The following FGF14 variants were observed in gnomAD, a reference collection of about 807,000 sequenced individuals.
FGF14 encodes the protein fibroblast growth factor homologous factor 4.
Under a neutral mutation model 25.5 loss-of-function variants are expected in FGF14, and 5 were observed. That is an observed-to-expected ratio of 0.20 (90% CI 0.10 to 0.41). The LOEUF is 0.41. Ranked by LOEUF, FGF14 falls within the 10% of genes least tolerant of loss-of-function variation. The probability of loss-of-function intolerance (pLI) is 1.00; values close to 1 mark genes in which losing one functional copy is unlikely to be tolerated. For synonymous variants in FGF14, 138 were observed against 118.3 expected, an observed-to-expected ratio of 1.17 and a Z score of -1.08; for missense variants, 222 against 320.1, an observed-to-expected ratio of 0.69 and a Z score of 2.34.
intron 1 of FGF14, chr13:102,299,909 G>A (rs1336659): frequency 0.58 from 88,082 of 151,890 alleles, 26,160 homozygotes; most frequent in African/African-American, 0.72. Flanking sequence ...TATGTAAACT[G>A]AACACAAAAA....
intron 3 of FGF14, 183 bp downstream of exon 3, chr13:101,868,542 A>T: frequency 1.6e-6 from 1 of 617,834 alleles, no homozygotes; most frequent in South Asian, 1.7e-5. Context: ...CACTTCCTTT[A>T]GATAAACTCA....
intron 1 of FGF14, among the ~76,000 whole-genome samples, chr13:102,399,924 G>A (rs1337826151): frequency 1.3e-5 from 2 of 152,152 alleles, no homozygotes; most frequent in African/African-American, 2.4e-5. Flanking sequence ...CCAGCTGGGG[G>A]CAATCTTCTC....
Position 101,725,607 on chromosome 13 carries a change from A to AATATAGAGAATATGCATT in FGF14, c.607+987_607+1004dup, listed in dbSNP as rs2035367940. 2.0e-5 allele frequency among the ~76,000 whole-genome samples: 3 copies of AATATAGAGAATATGCATT among 152,202 alleles called. No individual in the cohort carries two copies. The South Asian group carries it at 6.2e-4, about 32-fold the overall frequency. On this transcript the variant is annotated intron_variant, in intron 4 of 4. Coordinates refer to ENST00000376143, the MANE Select transcript of FGF14 (RefSeq NM_004115.4). ...TCAAATTTTTAAATTATTTTATTTC[A>AATATAGAGAATATGCATT]ATATAGAGAATATGCATTATGAAAA...
intron 1 of FGF14, among the ~76,000 whole-genome samples, chr13:102,104,360 C>A (rs577498296): frequency 9.8e-5 from 15 of 152,300 alleles, no homozygotes; most frequent in Non-Finnish European, 1.3e-4. Flanking sequence ...TCATTTTGTA[C>A]ATAAGAACAC....
chr13:102,307,368 C>T (rs923295544), intron 1 of FGF14, among the ~76,000 whole-genome samples: 1 of 152,110 alleles, frequency 6.6e-6, no homozygotes, highest in African/African-American at 2.4e-5. Context: ...TAAATTTGTA[C>T]TGCTTTATGC....
At chr13:101,780,477 T>C (rs867265534) in intron 3 of FGF14, among the ~76,000 whole-genome samples, 13 of 152,180 alleles carry the variant, frequency 8.5e-5, no homozygotes, top group African/African-American at 2.7e-4. Context: ...AATCTAAAGA[T>C]GCCAATCTAC....
intron 1 of FGF14, among the ~76,000 whole-genome samples, chr13:101,899,611 G>A (rs1256945000): frequency 1.3e-5 from 2 of 151,920 alleles, no homozygotes; most frequent in African/African-American, 2.4e-5. Flanking sequence ...AAACATGTGG[G>A]ACATTATGAT....
At chr13:102,264,203 A>G (rs2052865639) in intron 1 of FGF14, among the ~76,000 whole-genome samples, 1 of 151,868 alleles carries the variant, frequency 6.6e-6, no homozygotes, top group Non-Finnish European at 1.5e-5. Flanking sequence ...CATGATACTC[A>G]TCTGTAAAAT....
intron 1 of FGF14, among the ~76,000 whole-genome samples, chr13:102,223,075 C>T (rs2050687441): frequency 6.6e-6 from 1 of 152,120 alleles, no homozygotes; most frequent in East Asian, 1.9e-4. Context: ...TGTTTAAAAC[C>T]TCATTTTCTA....
intron 1 of FGF14, among the ~76,000 whole-genome samples, chr13:102,008,488 C>G (rs750953094): frequency 6.6e-6 from 1 of 152,130 alleles, no homozygotes; most frequent in Non-Finnish European, 1.5e-5. Context: ...TATTATAGGT[C>G]AGGTGCTAGA....
At chr13:102,145,566 C>A (rs2140476523) in intron 1 of FGF14, among the ~76,000 whole-genome samples, 1 of 152,304 alleles carries the variant, frequency 6.6e-6, no homozygotes, top group East Asian at 1.9e-4. Flanking sequence ...ATCATATAAT[C>A]CATGCCTATT....
chr13:101,855,034 T>C (rs935971489), intron 3 of FGF14, among the ~76,000 whole-genome samples: 1 of 151,946 alleles, frequency 6.6e-6, no homozygotes, highest in Admixed American at 6.6e-5. Context: ...CATGATTATA[T>C]AATAATTGTA....
At chr13:101,892,430 T>G (rs1265995450) in intron 1 of FGF14, among the ~76,000 whole-genome samples, 1 of 152,204 alleles carries the variant, frequency 6.6e-6, no homozygotes, top group East Asian at 1.9e-4. Flanking sequence ...AAAACATTCT[T>G]AACTTGATAA....
At chr13:102,214,883 G>T (rs2050307857) in intron 1 of FGF14, among the ~76,000 whole-genome samples, 1 of 152,134 alleles carries the variant, frequency 6.6e-6, no homozygotes, top group Admixed American at 6.5e-5. Context: ...GAGAAATCTT[G>T]TTCTAGACGT....
At chr13:102,024,790 A>G (rs1294243249) in intron 1 of FGF14, among the ~76,000 whole-genome samples, 1 of 151,808 alleles carries the variant, frequency 6.6e-6, no homozygotes, top group African/African-American at 2.4e-5. Flanking sequence ...GTGTAACTTC[A>G]ATCTTTTTCA....
chr13:102,233,664 TGAAGATGGAGTCAGATAAGA>T (rs2051188866), intron 1 of FGF14, among the ~76,000 whole-genome samples: 2 of 152,152 alleles, frequency 1.3e-5, no homozygotes, highest in South Asian at 4.1e-4. Flanking sequence ...TCCCCATAGC[TGAAGATGGAGTCAGATAAGA>T]GAATCTTCTA....
chr13:102,117,591 G>T (rs1009294543), intron 1 of FGF14, among the ~76,000 whole-genome samples: 1 of 152,134 alleles, frequency 6.6e-6, no homozygotes, highest in African/African-American at 2.4e-5. Context: ...AATAGGAGAA[G>T]CCAGGAAACA....
intron 1 of FGF14, among the ~76,000 whole-genome samples, chr13:101,959,248 A>T (rs1172531034): frequency 1.3e-5 from 2 of 152,020 alleles, no homozygotes; most frequent in African/African-American, 2.4e-5. Flanking sequence ...GCCACCACTC[A>T]CTTCCTGCTG....
intron 1 of FGF14, among the ~76,000 whole-genome samples, chr13:102,351,730 C>T (rs969579745): frequency 5.3e-5 from 8 of 152,186 alleles, no homozygotes; most frequent in South Asian, 2.1e-4. Flanking sequence ...TTCCACAGGC[C>T]GCCTGAGCAT....
Sources: gnomAD v4.1 joint callset for allele counts (sites outside exome capture counted in the v4.1 genomes callset) on GRCh38, gnomAD v4.1.1 for gene constraint, MANE v1.5 for transcripts, NCBI Gene and HGNC (gene_info 2026-07-23, HGNC 2026-07-21) for gene names.